Variants in EXOC4 observed in about 807,000 individuals in gnomAD.
EXOC4 encodes the protein SEC8-like 1.
A neutral mutation model predicts 107.2 loss-of-function variants in EXOC4; 71 were observed. That is an observed-to-expected ratio of 0.66 (90% CI 0.55 to 0.81). The LOEUF (loss-of-function observed/expected upper bound fraction) is 0.81. EXOC4 is among the 30% of genes least tolerant of loss of function. The pLI is 0.00. For synonymous variants in EXOC4, 456 were observed against 441.2 expected (o/e 1.03, Z -0.42); for missense variants, 1,108 against 1,189.6 (o/e 0.93, Z 1.01).
chr7:133,689,887 C>T (rs1794383997), intron 10 of EXOC4, among the ~76,000 whole-genome samples: 1 of 152,172 alleles, frequency 6.6e-6, no homozygotes, highest in Admixed American at 6.5e-5. Flanking sequence ...CAAGCAATGC[C>T]TCATTCCATA....
intron 14 of EXOC4, among the ~76,000 whole-genome samples, chr7:133,973,300 G>T (rs757588618): frequency 2.0e-5 from 3 of 152,148 alleles, no homozygotes; most frequent in Non-Finnish European, 2.9e-5. Flanking sequence ...AAGTATCAAG[G>T]AAGGCATTCT....
At chr7:133,399,997 C>T (rs1388066962) in intron 7 of EXOC4, among the ~76,000 whole-genome samples, 1 of 152,198 alleles carries the variant, frequency 6.6e-6, no homozygotes, top group Admixed American at 6.5e-5. Flanking sequence ...GTGAACTAAA[C>T]ACTTACTGAA....
At chr7:133,821,414 C>T (rs970622719) in intron 11 of EXOC4, among the ~76,000 whole-genome samples, 4 of 152,178 alleles carry the variant, frequency 2.6e-5, no homozygotes, top group Admixed American at 2.6e-4. Flanking sequence ...GAGGATTATG[C>T]TTGTCTGCAA....
chr7:134,051,496 C>T lies in EXOC4; in HGVS notation c.2688-12795C>T, dbSNP rs1220724767. ...GACCAGCCTGGCCAAGATGGTGAAACCCTGTCTCTACTAAAAATACAAAAA... is the reference window on the plus strand; with the variant it reads ...GACCAGCCTGGCCAAGATGGTGAAATCCTGTCTCTACTAAAAATACAAAAA... On this transcript the variant is annotated intron_variant, in intron 17 of 17. Transcript: ENST00000253861. Among the ~76,000 whole-genome samples the T allele has an allele frequency of 3.3e-5, 5 of 152,008 alleles. No homozygotes were observed. In the East Asian group the frequency reaches 7.8e-4, roughly 24 times the overall value.
At chr7:133,737,479 G>A (rs1795468281) in intron 10 of EXOC4, among the ~76,000 whole-genome samples, 1 of 150,982 alleles carries the variant, frequency 6.6e-6, no homozygotes, top group Non-Finnish European at 1.5e-5. Context: ...GACCCCCTTA[G>A]GCAGGAAAAT....
At chr7:133,384,586 T>G (rs976982494) in intron 7 of EXOC4, among the ~76,000 whole-genome samples, 1 of 152,168 alleles carries the variant, frequency 6.6e-6, no homozygotes, top group African/African-American at 2.4e-5. Context: ...AATAGTGTGA[T>G]GTAGAAAGTG....
At chr7:133,702,271 C>T (rs1045607383) in intron 10 of EXOC4, among the ~76,000 whole-genome samples, 17 of 151,458 alleles carry the variant, frequency 1.1e-4, no homozygotes, top group Non-Finnish European at 2.2e-4. Context: ...CCAGAACACC[C>T]GCATCAGCTG....
intron 9 of EXOC4, among the ~76,000 whole-genome samples, chr7:133,599,664 A>G (rs938439282): frequency 3.3e-5 from 5 of 152,188 alleles, no homozygotes; most frequent in Non-Finnish European, 5.9e-5. Flanking sequence ...TGAGATGATA[A>G]ATGAGCAGAG....
Position 133,999,275 on chromosome 7 carries a change from G to A in EXOC4, c.2348+1642G>A, listed in dbSNP as rs1020785659. ...GACTTTGTTTGATAGGTGACCCTTG[G>A]GAATATGTTTGGACTCCAGTTAGAA... On this transcript the variant is annotated intron_variant, in intron 15 of 17. Coordinates refer to ENST00000253861, the MANE Select transcript of EXOC4 (RefSeq NM_021807.4). Among the ~76,000 whole-genome samples, 5 of 152,114 alleles carry A rather than the reference G, an allele frequency of 3.3e-5. No individual in the cohort carries two copies. The East Asian group carries it at 9.7e-4, about 29-fold the overall frequency.
chr7:133,840,801 C>T (rs1026163001), intron 11 of EXOC4, among the ~76,000 whole-genome samples: 1 of 152,012 alleles, frequency 6.6e-6, no homozygotes, highest in Admixed American at 6.6e-5. Context: ...ATTTCCTTAC[C>T]AAGTTTGTGG....
At chr7:133,463,981 T>C (rs899291000) in intron 7 of EXOC4, among the ~76,000 whole-genome samples, 3 of 152,198 alleles carry the variant, frequency 2.0e-5, no homozygotes, top group African/African-American at 7.2e-5. Flanking sequence ...TTATTTCTGT[T>C]TTACAGATGA....
chr7:133,923,995 G>GTT (rs55812659), intron 13 of EXOC4, among the ~76,000 whole-genome samples: 4,721 of 150,906 alleles, frequency 0.031, 260 homozygotes, highest in African/African-American at 0.11. Context: ...TAACTTGAGG[G>GTT]TTTTTTTTTC....
At chr7:133,415,149 G>GAT (rs1450030845) in intron 7 of EXOC4, among the ~76,000 whole-genome samples, 1 of 151,206 alleles carries the variant, frequency 6.6e-6, no homozygotes, top group Non-Finnish European at 1.5e-5. Flanking sequence ...TCATTGTATA[G>GAT]ATATACCACA....
At chr7:133,263,052 A>G (rs929041771) in intron 1 of EXOC4, among the ~76,000 whole-genome samples, 2 of 152,196 alleles carry the variant, frequency 1.3e-5, no homozygotes, top group African/African-American at 4.8e-5. Context: ...GCCTGCTGCC[A>G]TGTAAATGTG....
intron 5 of EXOC4, among the ~76,000 whole-genome samples, chr7:133,328,223 T>A (rs1463971118): frequency 1.3e-5 from 2 of 152,004 alleles, no homozygotes; most frequent in Non-Finnish European, 2.9e-5. Flanking sequence ...GTTTAAAGTC[T>A]GTTTTATCTG....
At chr7:133,871,268 C>T (rs1019114592) in intron 11 of EXOC4, among the ~76,000 whole-genome samples, 9 of 152,008 alleles carry the variant, frequency 5.9e-5, no homozygotes, top group Non-Finnish European at 1.0e-4. Context: ...AGTGACATCT[C>T]GGTGGTAGCT....
intron 7 of EXOC4, among the ~76,000 whole-genome samples, chr7:133,454,915 G>C (rs1170451033): frequency 6.6e-6 from 1 of 151,990 alleles, no homozygotes; most frequent in Non-Finnish European, 1.5e-5. Flanking sequence ...CCTGAGCAAC[G>C]TGGTGAAAAC....
rs186838230 is a variant in EXOC4, at chr7:134,046,204, G to A, written c.2688-18087G>A. ...AGAATGTTAAAACCACCTCAGGGCC[G>A]GGCACAATGGCTCATGCCTATAATC... On this transcript the variant is annotated intron_variant, in intron 17 of 17. Coordinates refer to ENST00000253861, the MANE Select transcript of EXOC4 (RefSeq NM_021807.4). 8.5e-5 allele frequency among the ~76,000 whole-genome samples: 13 copies of A among 152,236 alleles called. No individual in the cohort carries two copies. In the East Asian group the frequency reaches 2.3e-3, roughly 27 times the overall value.
chr7:133,864,442 AG>A (rs1462913733), intron 11 of EXOC4, among the ~76,000 whole-genome samples: 1 of 152,094 alleles, frequency 6.6e-6, no homozygotes, highest in African/African-American at 2.4e-5. Context: ...GAAGGCTTTC[AG>A]GGAGTCTCAT....
Sources: allele counts gnomAD v4.1 joint callset (sites outside exome capture counted in the v4.1 genomes callset), GRCh38; gene constraint gnomAD v4.1.1; transcripts MANE v1.5; gene names NCBI Gene and HGNC (gene_info 2026-07-23, HGNC 2026-07-21).